PCDHA3: variants seen among roughly 807,000 people sequenced by gnomAD.
The protein encoded by PCDHA3 is protocadherin alpha-3.
Under a neutral mutation model 62.2 loss-of-function variants are expected in PCDHA3, and 41 were observed. The observed-to-expected ratio is 0.66, with a 90% confidence interval of 0.51 to 0.86. The LOEUF (loss-of-function observed/expected upper bound fraction) is 0.86. PCDHA3 is among the 40% of genes least tolerant of loss of function. The probability of loss-of-function intolerance (pLI) is 0.00; values close to 1 mark genes in which losing one functional copy is unlikely to be tolerated. For missense variants in PCDHA3, 1,304 were observed against 1,241.2 expected, an observed-to-expected ratio of 1.05 and a Z score of -0.76; for synonymous variants, 640 against 555.4, an observed-to-expected ratio of 1.15 and a Z score of -2.14.
chr5:140,823,697 C>A, intron 1 of PCDHA3: 1 of 1,613,956 alleles, frequency 6.2e-7, no homozygotes, highest in Non-Finnish European at 8.5e-7. Flanking sequence ...GAGACCGAAG[C>A]ACCGCGCCAC....
intron 1 of PCDHA3, chr5:140,807,034 G>A: frequency 1.1e-6 from 1 of 929,518 alleles, no homozygotes; most frequent in South Asian, 1.7e-5. Context: ...GGAGGAAGAA[G>A]GGAAAATTCC....
chr5:140,994,141 C>T (rs782520855), intron 3 of PCDHA3, among the ~76,000 whole-genome samples: 1 of 152,256 alleles, frequency 6.6e-6, no homozygotes, highest in African/African-American at 2.4e-5. Context: ...TAATGCCCTA[C>T]GTAGGTAGGG....
intron 1 of PCDHA3, among the ~76,000 whole-genome samples, chr5:140,911,657 ACTC>A (rs782570659): frequency 1.1e-4 from 16 of 151,986 alleles, no homozygotes; most frequent in Non-Finnish European, 1.6e-4. Flanking sequence ...GAGTTACTAA[ACTC>A]CTTGCCTCTC....
intron 3 of PCDHA3, among the ~76,000 whole-genome samples, chr5:140,987,981 ACT>A (rs2153869731): frequency 6.6e-6 from 1 of 152,028 alleles, no homozygotes; most frequent in African/African-American, 2.4e-5. Context: ...CTCCATGGAG[ACT>A]CCATCTCTGA....
chr5:140,823,367 A>G (rs2150125075), intron 1 of PCDHA3: 2 of 1,612,856 alleles, frequency 1.2e-6, no homozygotes, highest in Non-Finnish European at 1.7e-6. Flanking sequence ...GAGCTGCTGC[A>G]GTTCCAGGTG....
In PCDHA3 at chr5:140,856,245, C is replaced by T. The variant is rs782062442; in HGVS notation, c.2394+52654C>T. 5.5e-5 allele frequency: 88 copies of T among 1,597,902 alleles called. 5 individuals are homozygous for T. The South Asian group carries it at 8.8e-4, about 16-fold the overall frequency. On this transcript the variant is annotated intron_variant, in intron 1 of 3. Coordinates refer to ENST00000522353, the MANE Select transcript of PCDHA3 (RefSeq NM_018906.3). ...CTGGTGCAGCGCCTGTTCCGGGTGGCGTCCAAAAGACACGGGGACCTTCTG... is the reference window on the plus strand; with the variant it reads ...CTGGTGCAGCGCCTGTTCCGGGTGGTGTCCAAAAGACACGGGGACCTTCTG...
At chr5:140,929,207 G>A (rs782298445) in intron 1 of PCDHA3, 6 of 1,614,104 alleles carry the variant, frequency 3.7e-6, no homozygotes, top group East Asian at 2.2e-5. Flanking sequence ...TTGCTGTTGC[G>A]TGGGGAGTAC....
chr5:140,835,666 G>T, intron 1 of PCDHA3: 1 of 1,613,936 alleles, frequency 6.2e-7, no homozygotes, highest in Non-Finnish European at 8.5e-7. Context: ...GTTACCGCGC[G>T]GGACGGGGGC....
intron 1 of PCDHA3, among the ~76,000 whole-genome samples, chr5:140,973,646 A>C (rs1413605589): frequency 1.3e-5 from 2 of 152,216 alleles, no homozygotes; most frequent in African/African-American, 4.8e-5. Flanking sequence ...TTCTGACTGA[A>C]GAAGAAATCT....
In PCDHA3 at chr5:141,011,378, C is replaced by T. The variant is rs1419825590; in HGVS notation, c.*1441C>T. 1 of 153,742 alleles carries T rather than the reference C, an allele frequency of 6.5e-6. No individual in the cohort carries two copies. Among genetic ancestry groups the T allele is most frequent in the African/African-American group, 2.4e-5 (1 of 41,460 alleles). The allele number at this position is 153,742 out of a possible 1,614,324, so 9.5% of individuals were successfully genotyped here. Reference sequence around the variant, plus strand: ...ATGTATGCTGTATGCTATGCTAAGACTCCTGAAATATACTTACTCTGTGCT... The same window carrying T: ...ATGTATGCTGTATGCTATGCTAAGATTCCTGAAATATACTTACTCTGTGCT... On this transcript the variant is annotated 3_prime_UTR_variant, in exon 4 of 4. Coordinates refer to ENST00000522353, the MANE Select transcript of PCDHA3 (RefSeq NM_018906.3).
chr5:140,926,370 A>G (rs1268539055), intron 1 of PCDHA3: 1 of 152,298 alleles, frequency 6.6e-6, no homozygotes, highest in African/African-American at 2.4e-5. Flanking sequence ...GGCGGCAGGA[A>G]GAGCCCAGCT....
chr5:140,812,585 T>C (rs1765140145), intron 1 of PCDHA3: 1 of 152,148 alleles, frequency 6.6e-6, no homozygotes, highest in African/African-American at 2.4e-5. Flanking sequence ...CTTTCTTCTT[T>C]CTTCATTTTT....
At chr5:140,861,124 A>G (rs1426704260) in intron 1 of PCDHA3, 4 of 153,324 alleles carry the variant, frequency 2.6e-5, no homozygotes, top group African/African-American at 9.6e-5. Flanking sequence ...AACACCCATT[A>G]AGACCACTTG....
intron 1 of PCDHA3, among the ~76,000 whole-genome samples, chr5:140,819,032 C>A (rs2150102961): frequency 3.2e-4 from 48 of 152,278 alleles, no homozygotes; most frequent in African/African-American, 1.0e-3. Flanking sequence ...TTAGCACATT[C>A]CCTTATAGGG....
chr5:140,868,956 C>T (rs2050758654), intron 1 of PCDHA3: 9 of 1,367,630 alleles, frequency 6.6e-6, no homozygotes, highest in Non-Finnish European at 7.9e-6. Flanking sequence ...GAGGCACTCC[C>T]ATACAAAGGA....
chr5:140,967,898 G>A (rs751530394), intron 1 of PCDHA3: 9 of 1,614,046 alleles, frequency 5.6e-6, no homozygotes, highest in Non-Finnish European at 7.6e-6. Context: ...GCCTGAGAAT[G>A]CTACACCCAA....
chr5:140,883,098 T>C lies in PCDHA3; in HGVS notation c.2394+79507T>C, dbSNP rs369154076. 21 of 1,614,014 alleles carry C rather than the reference T, an allele frequency of 1.3e-5. No homozygotes were observed. In the East Asian group the frequency reaches 4.0e-4, roughly 31 times the overall value. On this transcript the variant is annotated intron_variant, in intron 1 of 3. Coordinates refer to ENST00000522353, the MANE Select transcript of PCDHA3 (RefSeq NM_018906.3). ...CCTGATGATGGTACAAATGGAGATA[T>C]AGTTTACTCATTTAGAAGGCCTGTA... is the stretch of plus-strand genomic sequence containing the variant.
At chr5:140,860,138 T>C (rs2046209991) in intron 1 of PCDHA3, 2 of 150,752 alleles carry the variant, frequency 1.3e-5, no homozygotes, top group Admixed American at 1.3e-4. Flanking sequence ...TGTGTGTATA[T>C]ATATGTATAT....
intron 1 of PCDHA3, chr5:140,829,457 G>T (rs2150168279): frequency 1.2e-6 from 2 of 1,613,878 alleles, no homozygotes; most frequent in Non-Finnish European, 1.7e-6. Flanking sequence ...TCCGGCGTTC[G>T]CGCAGCCCGA....
Sources: gnomAD v4.1 joint callset for allele counts (sites outside exome capture counted in the v4.1 genomes callset) on GRCh38, gnomAD v4.1.1 for gene constraint, MANE v1.5 for transcripts, NCBI Gene and HGNC (gene_info 2026-07-23, HGNC 2026-07-21) for gene names.